Variants in OCA2 observed in about 807,000 individuals in gnomAD.
OCA2 encodes the protein OCA2 melanosomal transmembrane protein.
In OCA2, 77 loss-of-function variants were observed where a neutral mutation model predicts 100.2. That is an observed-to-expected ratio of 0.77 (90% CI 0.64 to 0.93). The LOEUF (loss-of-function observed/expected upper bound fraction) is 0.93. Among genes scored for constraint, OCA2 ranks in the 40% least tolerant of loss-of-function variants. The pLI is 0.00. For synonymous variants in OCA2, 432 were observed against 439.2 expected (o/e 0.98, Z 0.21); for missense variants, 1,062 against 1,089.1 (o/e 0.98, Z 0.35).
At chr15:27,775,925 G>T (rs189568532) in intron 23 of OCA2, among the ~76,000 whole-genome samples, 1 of 152,354 alleles carries the variant, frequency 6.6e-6, no homozygotes, top group Admixed American at 6.5e-5. Flanking sequence ...ATTCTGAGGT[G>T]CTGGGGACTA....
Position 27,928,541 on chromosome 15 carries a change from G to A in OCA2, c.1952-2287C>T, listed in dbSNP as rs1189738645. 4.6e-5 allele frequency among the ~76,000 whole-genome samples: 7 copies of A among 152,166 alleles called. No individual in the cohort carries two copies. In the South Asian group the frequency reaches 1.2e-3, roughly 27 times the overall value. ...ACAGCCACAGTGTTGGCAGGGCTGC[G>A]TTCCTGTCTGGAGGCTCTAGGGGAG... On this transcript the variant is annotated intron_variant, in intron 18 of 23. Coordinates refer to ENST00000354638, the MANE Select transcript of OCA2 (RefSeq NM_000275.3).
chr15:27,907,979 A>G (rs1363338252), intron 19 of OCA2, among the ~76,000 whole-genome samples: 1 of 152,222 alleles, frequency 6.6e-6, no homozygotes, highest in Non-Finnish European at 1.5e-5. Context: ...CAGATTATTG[A>G]AAAGAAGGTA....
intron 14 of OCA2, among the ~76,000 whole-genome samples, chr15:27,983,059 T>G (rs547549401): frequency 6.6e-6 from 1 of 152,332 alleles, no homozygotes; most frequent in African/African-American, 2.4e-5. Flanking sequence ...AAACCTCAGT[T>G]CCTATTAATA....
intron 2 of OCA2, among the ~76,000 whole-genome samples, chr15:28,074,068 C>G (rs972502307): frequency 5.3e-5 from 8 of 151,684 alleles, no homozygotes; most frequent in Admixed American, 5.2e-4. Context: ...TTACATAAAT[C>G]AACAAAATGA....
chr15:27,915,526 C>G (rs1326038073), intron 19 of OCA2, among the ~76,000 whole-genome samples: 2 of 151,916 alleles, frequency 1.3e-5, no homozygotes, highest in Admixed American at 6.6e-5. Context: ...AAAAAACAAC[C>G]CTGTTAAAAT....
At chr15:28,021,374 C>T (rs2042588560) in intron 6 of OCA2, among the ~76,000 whole-genome samples, 1 of 152,176 alleles carries the variant, frequency 6.6e-6, no homozygotes, top group African/African-American at 2.4e-5. Flanking sequence ...CACTCCTGAT[C>T]CCAGAATAAG....
Position 27,827,432 on chromosome 15 carries a change from C to A in OCA2, c.2432+17527G>T, listed in dbSNP as rs150613429. On this transcript the variant is annotated intron_variant, in intron 23 of 23. Transcript: ENST00000354638. Reference sequence around the variant, plus strand: ...TAGGAAAAGCAAATTTAGGACAACACCACCTTCCACAGAGTGCCGACGGAG... The same window carrying A: ...TAGGAAAAGCAAATTTAGGACAACAACACCTTCCACAGAGTGCCGACGGAG... Among the ~76,000 whole-genome samples the A allele has an allele frequency of 1.1e-4, 17 of 152,278 alleles. No homozygotes were observed. The South Asian group carries it at 1.7e-3, about 15-fold the overall frequency.
In OCA2 at chr15:27,957,065, C is replaced by CA; in HGVS notation, c.1784+522dup. Among the ~76,000 whole-genome samples, 1 of 152,332 alleles carries CA rather than the reference C, an allele frequency of 6.6e-6. No homozygotes were observed. Among genetic ancestry groups the CA allele is most frequent in the East Asian group, 1.9e-4 (1 of 5,182 alleles). On this transcript the variant is annotated intron_variant, in intron 16 of 23. Transcript: ENST00000354638. This position sits in a 1 kb window ranked among gnomAD's most constrained non-coding sequence, Gnocchi z 4.3. ...AGAACAAAGACTGCTTGGAACTCAG[C>CA]AACATGTCATAGCAAGGAGAAAAAC...
intron 23 of OCA2, among the ~76,000 whole-genome samples, chr15:27,828,592 A>C (rs915374376): frequency 6.6e-6 from 1 of 151,510 alleles, no homozygotes; most frequent in Non-Finnish European, 1.5e-5. Context: ...GAGTGTAGCT[A>C]GAGAGTCCCA....
intron 19 of OCA2, among the ~76,000 whole-genome samples, chr15:27,887,889 G>C (rs916320643): frequency 4.0e-5 from 6 of 151,480 alleles, no homozygotes; most frequent in African/African-American, 1.5e-4. Flanking sequence ...AGGTAACCAT[G>C]GGGGGCACCC....
intron 23 of OCA2, among the ~76,000 whole-genome samples, chr15:27,803,808 C>A (rs1271741162): frequency 6.6e-6 from 1 of 152,064 alleles, no homozygotes; most frequent in Non-Finnish European, 1.5e-5. Context: ...ATGAGTACAA[C>A]AAATAAGACA....
At chr15:27,874,592 C>A (rs1042593196) in intron 19 of OCA2, among the ~76,000 whole-genome samples, 9 of 152,084 alleles carry the variant, frequency 5.9e-5, no homozygotes. Context: ...TTAGCCAGAC[C>A]CCAAAACCGC....
At chr15:27,804,415 T>C (rs1335710286) in intron 23 of OCA2, among the ~76,000 whole-genome samples, 2 of 152,186 alleles carry the variant, frequency 1.3e-5, no homozygotes, top group African/African-American at 4.8e-5. Context: ...AATTGTCTTC[T>C]TGAAACTCAA....
intron 21 of OCA2, among the ~76,000 whole-genome samples, chr15:27,865,040 A>G (rs1466463588): frequency 6.6e-6 from 1 of 151,898 alleles, no homozygotes; most frequent in Non-Finnish European, 1.5e-5. Context: ...GAAGAGAAAT[A>G]TCCTGAACAA....
At chr15:27,961,105 A>G (rs943555254) in intron 15 of OCA2, among the ~76,000 whole-genome samples, 3 of 152,190 alleles carry the variant, frequency 2.0e-5, no homozygotes, top group Non-Finnish European at 2.9e-5. Context: ...CAAATTTACA[A>G]GAAAAAAACA....
At chr15:27,908,043 TAA>T (rs886708794) in intron 19 of OCA2, among the ~76,000 whole-genome samples, 4 of 151,838 alleles carry the variant, frequency 2.6e-5, no homozygotes, top group African/African-American at 9.7e-5. Flanking sequence ...CTAAACCACG[TAA>T]AGACTCATTA....
At chr15:28,056,495 A>T (rs1006159805) in intron 2 of OCA2, among the ~76,000 whole-genome samples, 7 of 152,230 alleles carry the variant, frequency 4.6e-5, no homozygotes, top group African/African-American at 1.7e-4. Flanking sequence ...CTGCACTGGG[A>T]AAACGGTTGC....
chr15:27,749,170 A>G, the OCA2 span, among the ~76,000 whole-genome samples: 1 of 152,206 alleles, frequency 6.6e-6, no homozygotes, highest in Non-Finnish European at 1.5e-5. Context: ...CCACAACATA[A>G]TCAAATCCCT....
intron 10 of OCA2, 42 bp downstream of exon 10, chr15:27,990,534 C>T: frequency 6.3e-7 from 1 of 1,579,170 alleles, no homozygotes; most frequent in Non-Finnish European, 8.7e-7. Context: ...AGCTGACATC[C>T]CACTGAGTGG....
Sources: gnomAD v4.1 joint callset for allele counts (sites outside exome capture counted in the v4.1 genomes callset) on GRCh38, gnomAD v4.1.1 for gene constraint, Gnocchi (gnomAD v3.1) non-coding constraint, MANE v1.5 for transcripts, NCBI Gene and HGNC (gene_info 2026-07-23, HGNC 2026-07-21) for gene names.